The following NALF1 variants were observed in gnomAD, a reference collection of about 807,000 sequenced individuals.
NALF1 encodes the protein NALCN channel auxiliary factor 1.
NALF1 carries 3 observed loss-of-function variants against 48.4 expected under a neutral mutation model. The observed-to-expected ratio is 0.06, with a 90% CI of 0.03 to 0.16. The LOEUF (loss-of-function observed/expected upper bound fraction) is 0.16, where lower values mean the gene tolerates loss of function less well. NALF1 is among the 10% of genes least tolerant of loss of function. The probability of loss-of-function intolerance (pLI) is 1.00; values close to 1 mark genes in which losing one functional copy is unlikely to be tolerated. For missense variants in NALF1, 526 were observed against 571.5 expected, an observed-to-expected ratio of 0.92 and a Z score of 0.81; for synonymous variants, 262 against 245.7, an observed-to-expected ratio of 1.07 and a Z score of -0.62.
intron 1 of NALF1, among the ~76,000 whole-genome samples, chr13:107,748,395 AG>A (rs1876842147): frequency 1.3e-5 from 2 of 152,204 alleles, no homozygotes; most frequent in South Asian, 4.1e-4. Flanking sequence ...AGGAGAAAAA[AG>A]TCTCAAAGTA....
At chr13:107,357,382 C>T (rs563460185) in intron 1 of NALF1, among the ~76,000 whole-genome samples, 5 of 152,246 alleles carry the variant, frequency 3.3e-5, no homozygotes, top group African/African-American at 1.2e-4. Flanking sequence ...ATCCGATCAT[C>T]CCCACTTGGT....
chr13:107,437,653 G>A (rs1453141972), intron 1 of NALF1, among the ~76,000 whole-genome samples: 1 of 152,158 alleles, frequency 6.6e-6, no homozygotes, highest in Non-Finnish European at 1.5e-5. Flanking sequence ...TAGAAAAAGT[G>A]TCAGAACAGC....
intron 1 of NALF1, among the ~76,000 whole-genome samples, chr13:107,681,326 A>G (rs1011631403): frequency 2.0e-5 from 3 of 152,128 alleles, no homozygotes; most frequent in Non-Finnish European, 4.4e-5. Context: ...ACTGACTTCA[A>G]ATGAAATAAG....
intron 1 of NALF1, among the ~76,000 whole-genome samples, chr13:107,234,899 C>A (rs2138828837): frequency 6.6e-6 from 1 of 152,156 alleles, no homozygotes; most frequent in East Asian, 1.9e-4. Context: ...GACTTGATGA[C>A]ATGAAAATCC....
intron 1 of NALF1, among the ~76,000 whole-genome samples, chr13:107,622,389 C>T (rs893474412): frequency 7.9e-5 from 12 of 151,176 alleles, no homozygotes; most frequent in Non-Finnish European, 1.3e-4. Flanking sequence ...TGCAGTGAGC[C>T]GAGATCGCAC....
chr13:107,581,642 A>C (rs987451542), intron 1 of NALF1, among the ~76,000 whole-genome samples: 1 of 152,190 alleles, frequency 6.6e-6, no homozygotes, highest in African/African-American at 2.4e-5. Context: ...AAACAAAATG[A>C]GTGTATATTC....
intron 1 of NALF1, among the ~76,000 whole-genome samples, chr13:107,653,078 G>A (rs114030294): frequency 6.7e-6 from 1 of 149,768 alleles, no homozygotes; most frequent in Non-Finnish European, 1.5e-5. Flanking sequence ...AACACTCCTG[G>A]TATCTTTATG....
At chr13:107,586,728 A>T (rs184902790) in intron 1 of NALF1, among the ~76,000 whole-genome samples, 1 of 143,176 alleles carries the variant, frequency 7.0e-6, no homozygotes, top group Admixed American at 7.4e-5. Context: ...GGACTACCAG[A>T]TCTCCAAAAT....
At chr13:107,589,578 A>G (rs548635589) in intron 1 of NALF1, among the ~76,000 whole-genome samples, 18 of 152,152 alleles carry the variant, frequency 1.2e-4, no homozygotes, top group African/African-American at 4.1e-4. Flanking sequence ...TGCATTAAAG[A>G]ATAGCTGGTA....
chr13:107,537,400 G>C (rs991563229), intron 1 of NALF1, among the ~76,000 whole-genome samples: 5 of 152,048 alleles, frequency 3.3e-5, no homozygotes, highest in African/African-American at 1.2e-4. Context: ...TTAGTGAATG[G>C]AATCAATTTT....
chr13:107,244,506 G>C (rs951856607), intron 1 of NALF1, among the ~76,000 whole-genome samples: 3 of 152,206 alleles, frequency 2.0e-5, no homozygotes, highest in African/African-American at 2.4e-5. Flanking sequence ...TTCTGCAAGG[G>C]TAGATGTGTC....
At chr13:107,264,559 T>C (rs997167399) in intron 1 of NALF1, among the ~76,000 whole-genome samples, 3 of 152,248 alleles carry the variant, frequency 2.0e-5, no homozygotes, top group African/African-American at 7.2e-5. Flanking sequence ...GGGGTATATG[T>C]GAGGAAAAAA....
chr13:107,264,752 T>G (rs942990196), intron 1 of NALF1, among the ~76,000 whole-genome samples: 9 of 152,232 alleles, frequency 5.9e-5, no homozygotes, highest in Non-Finnish European at 7.3e-5. Flanking sequence ...TTCTAACATA[T>G]GCATCGAATT....
intron 1 of NALF1, among the ~76,000 whole-genome samples, chr13:107,643,544 G>GT (rs1410472806): frequency 6.9e-6 from 1 of 144,454 alleles, no homozygotes; most frequent in Non-Finnish European, 1.5e-5. Flanking sequence ...GTATTTGGTG[G>GT]GGGGGGGGTG....
intron 1 of NALF1, among the ~76,000 whole-genome samples, chr13:107,687,922 C>T (rs1881475757): frequency 6.6e-6 from 1 of 152,074 alleles, no homozygotes; most frequent in African/African-American, 2.4e-5. Context: ...TGCCTGAAAT[C>T]CCAAAACCAA....
At chr13:107,609,621 C>G (rs573572101) in intron 1 of NALF1, among the ~76,000 whole-genome samples, 1 of 152,064 alleles carries the variant, frequency 6.6e-6, no homozygotes. Flanking sequence ...TGTGGGTCTC[C>G]GCAAGTGACA....
intron 1 of NALF1, among the ~76,000 whole-genome samples, chr13:107,370,627 C>A (rs777405144): frequency 9.2e-6 from 1 of 108,570 alleles, no homozygotes; most frequent in Non-Finnish European, 2.0e-5. Flanking sequence ...CCACGCCATG[C>A]TGAGCTGCTT....
intron 1 of NALF1, among the ~76,000 whole-genome samples, chr13:107,550,359 C>T (rs1313840090): frequency 1.3e-5 from 2 of 152,032 alleles, no homozygotes; most frequent in African/African-American, 4.8e-5. Flanking sequence ...TGAATTCATC[C>T]ATCTTTATTG....
chr13:107,520,595 T>C (rs1307889139), intron 1 of NALF1, among the ~76,000 whole-genome samples: 5 of 152,238 alleles, frequency 3.3e-5, no homozygotes, highest in African/African-American at 4.8e-5. Context: ...CCAAATAAGC[T>C]TTCTACATTC....
Sources: gnomAD v4.1 joint callset for allele counts (sites outside exome capture counted in the v4.1 genomes callset) on GRCh38, gnomAD v4.1.1 for gene constraint, MANE v1.5 for transcripts, NCBI Gene and HGNC (gene_info 2026-07-23, HGNC 2026-07-21) for gene names.